Variants in PCGF3 observed in about 807,000 individuals in gnomAD.
PCGF3 encodes polycomb group RING finger protein 3.
Under a neutral mutation model 33.1 loss-of-function variants are expected in PCGF3, and 7 were observed. The ratio of observed to expected loss-of-function variants is 0.21; its 90% CI spans 0.12 to 0.40. The LOEUF is 0.40. Ranked by LOEUF, PCGF3 falls within the 10% of genes least tolerant of loss-of-function variation. The pLI is 1.00. For synonymous variants in PCGF3, 153 were observed against 121.3 expected (o/e 1.26, Z -1.72); for missense variants, 211 against 313.3 (o/e 0.67, Z 2.46).
At chr4:715,555 T>C (rs1445743878) in intron 1 of PCGF3, among the ~76,000 whole-genome samples, 2 of 112,998 alleles carry the variant, frequency 1.8e-5, no homozygotes, top group African/African-American at 7.0e-5. Context: ...GTGTGAGAAC[T>C]GGGTGTCGGT....
At chr4:717,963 G>A (rs111303846) in intron 1 of PCGF3, among the ~76,000 whole-genome samples, 4 of 152,214 alleles carry the variant, frequency 2.6e-5, no homozygotes, top group Non-Finnish European at 4.4e-5. Context: ...TGGGTGCTGC[G>A]TTGAGGTCAG....
At chr4:733,564 G>A (rs543616907) in intron 3 of PCGF3, 108 bp from the exon 4 acceptor site, 15 of 1,144,384 alleles carry the variant, frequency 1.3e-5, no homozygotes, top group Non-Finnish European at 1.6e-5. Flanking sequence ...CTGCCACCCA[G>A]GCCTCAGGGC....
exon 11 of PCGF3, chr4:767,841 G>A (rs922254470): frequency 6.6e-6 from 1 of 152,600 alleles, no homozygotes; most frequent in African/African-American, 2.4e-5. Context: ...AGCTGTGTAT[G>A]AATAAATATT....
chr4:730,921 C>A, intron 2 of PCGF3, 49 bp from the exon 3 acceptor site: 1 of 397,898 alleles, frequency 2.5e-6, no homozygotes, highest in South Asian at 1.3e-4. Flanking sequence ...TTGTGGCAGT[C>A]ACACATCCAT....
intron 9 of PCGF3, 152 bp downstream of exon 9, chr4:761,568 G>T: frequency 7.4e-7 from 1 of 1,357,674 alleles, no homozygotes; most frequent in South Asian, 1.5e-5. Context: ...ACCGGGGAGC[G>T]GGATAGGAGA....
At chr4:706,917 G>A (rs1156670114) in intron 1 of PCGF3, among the ~76,000 whole-genome samples, 1 of 143,088 alleles carries the variant, frequency 7.0e-6, no homozygotes, top group Non-Finnish European at 1.5e-5. Flanking sequence ...GACCAGGCAG[G>A]ACCCAGGTGA....
chr4:765,293 C>T (rs1038912913), intron 10 of PCGF3, among the ~76,000 whole-genome samples: 17 of 152,110 alleles, frequency 1.1e-4, no homozygotes, highest in African/African-American at 1.2e-4. Flanking sequence ...ATTAGCCAGG[C>T]GTAGTGGTGG....
intron 9 of PCGF3, among the ~76,000 whole-genome samples, chr4:764,304 T>A (rs1005955705): frequency 6.6e-6 from 1 of 152,328 alleles, no homozygotes; most frequent in East Asian, 1.9e-4. Flanking sequence ...CTAATTTTTT[T>A]AAAAGACTGG....
chr4:758,558 C>G (rs999142776), intron 8 of PCGF3, among the ~76,000 whole-genome samples: 5 of 131,244 alleles, frequency 3.8e-5, no homozygotes, highest in Non-Finnish European at 1.6e-5. Context: ...TCCCTCCAGA[C>G]TCCGGGTCTT....
chr4:717,952 G>A (rs1003821971), intron 1 of PCGF3, among the ~76,000 whole-genome samples: 1 of 152,222 alleles, frequency 6.6e-6, no homozygotes, highest in East Asian at 1.9e-4. Flanking sequence ...CGGGAATCCC[G>A]TGGGTGCTGC....
At chr4:714,451 A>C (rs1349539261) in intron 1 of PCGF3, among the ~76,000 whole-genome samples, 5 of 152,114 alleles carry the variant, frequency 3.3e-5, no homozygotes, top group Non-Finnish European at 4.4e-5. Context: ...AGGCCCCCAC[A>C]CCGCTACAAC....
chr4:742,640 G>T (rs557664190), intron 6 of PCGF3, among the ~76,000 whole-genome samples: 8 of 152,336 alleles, frequency 5.3e-5, no homozygotes, highest in African/African-American at 1.9e-4. Flanking sequence ...CCTGGAACCT[G>T]CGAGGTTCTG....
At chr4:716,105 A>G (rs1286435250) in intron 1 of PCGF3, among the ~76,000 whole-genome samples, 4 of 123,010 alleles carry the variant, frequency 3.3e-5, no homozygotes, top group South Asian at 3.2e-4. Context: ...GGGACCCTGT[A>G]GACACTGAGG....
At chr4:738,732 G>A (rs1743953077) in intron 6 of PCGF3, among the ~76,000 whole-genome samples, 1 of 151,642 alleles carries the variant, frequency 6.6e-6, no homozygotes, top group African/African-American at 2.4e-5. Flanking sequence ...GGTGTCAGGT[G>A]CCTGTAATCC....
At chr4:726,176 A>G (rs1743325930) in intron 1 of PCGF3, among the ~76,000 whole-genome samples, 2 of 152,244 alleles carry the variant, frequency 1.3e-5, no homozygotes, top group African/African-American at 2.4e-5. Context: ...GTCAGCAGCC[A>G]TCTTGTCGGG....
chr4:712,384 A>G (rs541878648), intron 1 of PCGF3, among the ~76,000 whole-genome samples: 10 of 152,092 alleles, frequency 6.6e-5, no homozygotes, highest in Non-Finnish European at 1.2e-4. Flanking sequence ...CTATTGTTAT[A>G]TTGACTTGCT....
chr4:729,168 A>AT (rs1743450839), intron 1 of PCGF3, among the ~76,000 whole-genome samples: 1 of 147,404 alleles, frequency 6.8e-6, no homozygotes, highest in Non-Finnish European at 1.5e-5. Flanking sequence ...TAATCTCAGC[A>AT]CTTTGGGAGG....
chr4:728,963 G>C (rs1285033477), intron 1 of PCGF3, among the ~76,000 whole-genome samples: 1 of 151,948 alleles, frequency 6.6e-6, no homozygotes, highest in African/African-American at 2.4e-5. Flanking sequence ...AACTGGGCGT[G>C]GTGGCGGACG....
chr4:727,081 C>T (rs964149130), intron 1 of PCGF3, among the ~76,000 whole-genome samples: 7 of 152,112 alleles, frequency 4.6e-5, no homozygotes, highest in Non-Finnish European at 7.4e-5. Flanking sequence ...ACTGCCGAGC[C>T]GCATCTGCGT....
Sources: allele counts gnomAD v4.1 joint callset (sites outside exome capture counted in the v4.1 genomes callset), GRCh38; gene constraint gnomAD v4.1.1; transcripts MANE v1.5; gene names NCBI Gene and HGNC (gene_info 2026-07-23, HGNC 2026-07-21).